Variants in FRK observed in about 807,000 individuals in gnomAD.
The protein encoded by FRK is fyn related Src family tyrosine kinase, also known as tyrosine-protein kinase FRK.
A neutral mutation model predicts 56.4 loss-of-function variants in FRK; 51 were observed. The observed-to-expected ratio is 0.90, with a 90% CI of 0.72 to 1.14. The LOEUF is 1.14. Ranked by LOEUF, FRK falls within the 50% of genes most tolerant of loss-of-function variation. FRK has a pLI of 0.00. For synonymous variants in FRK, 245 were observed against 217.9 expected, an observed-to-expected ratio of 1.12 and a Z score of -1.10; for missense variants, 570 against 601.4, an observed-to-expected ratio of 0.95 and a Z score of 0.55.
intron 2 of FRK, among the ~76,000 whole-genome samples, chr6:115,988,852 T>C (rs1175759510): frequency 6.6e-6 from 1 of 152,022 alleles, no homozygotes; most frequent in Non-Finnish European, 1.5e-5. Context: ...AAACATTTAT[T>C]TAGTTGTTAT....
intron 5 of FRK, 118 bp from the exon 6 acceptor site, chr6:115,944,543 C>A: frequency 2.9e-6 from 2 of 681,324 alleles, no homozygotes; most frequent in Non-Finnish European, 4.8e-6. Flanking sequence ...TGGCACTGAT[C>A]TGTTGAGCAA....
intron 4 of FRK, among the ~76,000 whole-genome samples, chr6:115,958,362 C>T (rs1043272183): frequency 5.3e-5 from 8 of 151,872 alleles, no homozygotes; most frequent in Non-Finnish European, 1.0e-4. Context: ...CATGGTGGCT[C>T]AAGCCTGTGA....
chr6:115,966,038 C>A (rs1310395430), intron 4 of FRK, among the ~76,000 whole-genome samples: 3 of 46,902 alleles, frequency 6.4e-5, no homozygotes, highest in African/African-American at 1.5e-4. Context: ...TACCCTAAAA[C>A]TTAAAGTATA....
Position 115,942,541 on chromosome 6 carries a change from T to C in FRK, c.1391A>G (p.Asn464Ser), listed in dbSNP as rs1772228050. 6.2e-7 allele frequency: 1 copy of C among 1,613,748 alleles called. No homozygotes were observed. Among genetic ancestry groups the C allele is most frequent in the Non-Finnish European group, 8.5e-7 (1 of 1,179,838 alleles). The part of the protein sequence containing the change: ...QPSNCPQQFY[N>S]IMLECWNAEP... Reference sequence around the variant, plus strand: ...TGCATTCCAGCACTCCAACATGATGTTGTAAAATTGCTGTGGACAGTTGGA... The same window carrying C: ...TGCATTCCAGCACTCCAACATGATGCTGTAAAATTGCTGTGGACAGTTGGA... Residue 464 changes from asparagine (N) to serine (S), a missense_variant, in exon 8 of 8, where the codon AAC becomes AGC. Asn to Ser is a conservative substitution (Grantham distance 46). Transcript: ENST00000606080.
intron 5 of FRK, among the ~76,000 whole-genome samples, chr6:115,954,626 G>T (rs1772914814): frequency 6.6e-6 from 1 of 152,172 alleles, no homozygotes; most frequent in Non-Finnish European, 1.5e-5. Context: ...AGAATACAGG[G>T]AGATCAGTTT....
At chr6:116,097,464 TC>T in the FRK span, among the ~76,000 whole-genome samples, 1 of 152,130 alleles carries the variant, frequency 6.6e-6, no homozygotes, top group Non-Finnish European at 1.5e-5. Flanking sequence ...TTTCCCTCCT[TC>T]CCAAAAATGT....
chr6:115,953,220 C>T (rs1582640475), intron 5 of FRK, among the ~76,000 whole-genome samples: 1 of 101,188 alleles, frequency 9.9e-6, no homozygotes, highest in Non-Finnish European at 1.8e-5. Flanking sequence ...GACGGAGTCT[C>T]GCTCTGTCGC....
chr6:116,020,031 A>T (rs9488826), intron 1 of FRK, among the ~76,000 whole-genome samples: 2,944 of 152,312 alleles, frequency 0.019, 94 homozygotes, highest in African/African-American at 0.066. Flanking sequence ...GCTATTACCA[A>T]TAATAAATTA....
At chr6:115,973,535 A>G (rs1773884236) in intron 2 of FRK, among the ~76,000 whole-genome samples, 1 of 152,196 alleles carries the variant, frequency 6.6e-6, no homozygotes, top group South Asian at 2.1e-4. Context: ...CTACACATGT[A>G]TCCCAGAACT....
intron 2 of FRK, among the ~76,000 whole-genome samples, chr6:115,996,183 T>C (rs1774832536): frequency 6.6e-6 from 1 of 152,152 alleles, no homozygotes; most frequent in Non-Finnish European, 1.5e-5. Flanking sequence ...GTGTCTCTTC[T>C]TGGGACATAC....
At chr6:115,952,629 T>C (rs1308265967) in intron 5 of FRK, among the ~76,000 whole-genome samples, 1 of 151,540 alleles carries the variant, frequency 6.6e-6, no homozygotes, top group Non-Finnish European at 1.5e-5. Flanking sequence ...ACATGTATGT[T>C]TATTGCGGCA....
At chr6:115,999,520 C>T (rs3798229) in intron 2 of FRK, among the ~76,000 whole-genome samples, 15,316 of 152,184 alleles carry the variant, frequency 0.1, 901 homozygotes, top group African/African-American at 0.16. Context: ...ATCATGCACC[C>T]TCATGAAGCT....
intron 1 of FRK, among the ~76,000 whole-genome samples, chr6:116,023,152 C>T (rs994156264): frequency 2.0e-5 from 3 of 152,084 alleles, no homozygotes; most frequent in South Asian, 4.2e-4. Context: ...ACTAACAATA[C>T]CAAATATTGG....
At chr6:115,995,364 AC>A (rs1253474782) in intron 2 of FRK, among the ~76,000 whole-genome samples, 1 of 152,178 alleles carries the variant, frequency 6.6e-6, no homozygotes, top group Non-Finnish European at 1.5e-5. Context: ...ATCATGAATT[AC>A]AAAAATATAG....
chr6:116,071,298 C>A, the FRK span, among the ~76,000 whole-genome samples: 2 of 152,160 alleles, frequency 1.3e-5, no homozygotes, highest in Non-Finnish European at 2.9e-5. Flanking sequence ...CTCTACTCAT[C>A]TTCACAAAGG....
chr6:116,048,975 C>CTT (rs71012323), intron 1 of FRK, among the ~76,000 whole-genome samples: 1 of 147,522 alleles, frequency 6.8e-6, no homozygotes. Context: ...CCCTGCACTT[C>CTT]TTTTTTTTTT....
chr6:115,944,947 A>G (rs1772363057), intron 5 of FRK, among the ~76,000 whole-genome samples: 1 of 152,112 alleles, frequency 6.6e-6, no homozygotes, highest in Admixed American at 6.6e-5. Flanking sequence ...GCTCCCACTT[A>G]TAAGTGAGAA....
chr6:116,015,446 G>A (rs1775614298), intron 1 of FRK, among the ~76,000 whole-genome samples: 1 of 152,146 alleles, frequency 6.6e-6, no homozygotes, highest in African/African-American at 2.4e-5. Context: ...TTATAGCTGT[G>A]TGAGAACGGA....
intron 1 of FRK, among the ~76,000 whole-genome samples, chr6:116,052,655 G>A (rs1158721315): frequency 6.6e-6 from 1 of 152,120 alleles, no homozygotes; most frequent in African/African-American, 2.4e-5. Context: ...GGAACAAATA[G>A]GGTGAGACTT....
Sources: gnomAD v4.1 joint callset for allele counts (sites outside exome capture counted in the v4.1 genomes callset) on GRCh38, gnomAD v4.1.1 for gene constraint, MANE v1.5 for transcripts, NCBI Gene and HGNC (gene_info 2026-07-23, HGNC 2026-07-21) for gene names.